The following NALF1 variants were observed in gnomAD, a reference collection of about 807,000 sequenced individuals.
NALF1 encodes the protein family with sequence similarity 155 member A.
In NALF1, 3 loss-of-function variants were observed where a neutral mutation model predicts 48.4. The ratio of observed to expected loss-of-function variants is 0.06; its 90% confidence interval spans 0.03 to 0.16. The LOEUF (loss-of-function observed/expected upper bound fraction) is 0.16. NALF1 is among the 10% of genes least tolerant of loss of function. NALF1 has a pLI of 1.00. For synonymous variants in NALF1, 262 were observed against 245.7 expected, an observed-to-expected ratio of 1.07 and a Z score of -0.62; for missense variants, 526 against 571.5, an observed-to-expected ratio of 0.92 and a Z score of 0.81.
chr13:107,511,433 CAT>C (rs1177941017), intron 1 of NALF1, among the ~76,000 whole-genome samples: 3 of 152,104 alleles, frequency 2.0e-5, no homozygotes, highest in African/African-American at 4.8e-5. Context: ...GAGGAGAAAA[CAT>C]ATGCAAATGT....
At position 107,606,389 on chromosome 13, in the gene NALF1, G is replaced by A. The variant is rs570292420; in HGVS notation, c.915+259293C>T. On this transcript the variant is annotated intron_variant, in intron 1 of 2. Transcript: ENST00000375915. ...TTTATATATATATATATTTTGAGAT[G>A]GAGTCTTGCTCTGTCACTGAGACTG... Among the ~76,000 whole-genome samples the A allele has an allele frequency of 1.2e-3, 183 of 147,132 alleles. 1 individual carries two copies. The highest frequency in any genetic ancestry group is 3.8e-3 in the African/African-American group (155 of 41,106).
At chr13:107,511,002 C>T (rs544965335) in intron 1 of NALF1, among the ~76,000 whole-genome samples, 1 of 152,310 alleles carries the variant, frequency 6.6e-6, no homozygotes, top group South Asian at 2.1e-4. Flanking sequence ...CAAGGCTCCA[C>T]TCTTAAGCCC....
chr13:107,494,731 C>A (rs1363081895), intron 1 of NALF1, among the ~76,000 whole-genome samples: 3 of 150,888 alleles, frequency 2.0e-5, no homozygotes, highest in African/African-American at 7.3e-5. Context: ...CCTAAAAGTT[C>A]AAATAGTGCA....
chr13:107,573,050 T>G (rs1048778173), intron 1 of NALF1, among the ~76,000 whole-genome samples: 1 of 152,110 alleles, frequency 6.6e-6, no homozygotes, highest in African/African-American at 2.4e-5. Flanking sequence ...TTCCTTGCTC[T>G]TCTTCAAACA....
chr13:107,467,217 T>C (rs1443467677), intron 1 of NALF1, among the ~76,000 whole-genome samples: 3 of 151,448 alleles, frequency 2.0e-5, no homozygotes, highest in South Asian at 2.1e-4. Context: ...TAATTCCATG[T>C]TGACATAGAA....
intron 1 of NALF1, among the ~76,000 whole-genome samples, chr13:107,246,132 T>C (rs998215536): frequency 6.6e-6 from 1 of 151,656 alleles, no homozygotes; most frequent in African/African-American, 2.4e-5. Flanking sequence ...CTGTGTACTT[T>C]TGATTTAATT....
At chr13:107,657,313 TAAAAC>T (rs1880608890) in intron 1 of NALF1, among the ~76,000 whole-genome samples, 1 of 152,156 alleles carries the variant, frequency 6.6e-6, no homozygotes, top group Non-Finnish European at 1.5e-5. Context: ...AAATATTTCT[TAAAAC>T]TAAGCTAATT....
At chr13:107,669,484 C>T (rs1462467471) in intron 1 of NALF1, among the ~76,000 whole-genome samples, 1 of 152,064 alleles carries the variant, frequency 6.6e-6, no homozygotes, top group Non-Finnish European at 1.5e-5. Context: ...TTCAATACAA[C>T]ATAAATGAGT....
chr13:107,483,097 T>C (rs1041868280), intron 1 of NALF1, among the ~76,000 whole-genome samples: 7 of 152,308 alleles, frequency 4.6e-5, no homozygotes, highest in South Asian at 2.1e-4. Flanking sequence ...AGCTCCCGTA[T>C]GTAAACACAA....
At chr13:107,174,630 C>G (rs1878879466) in intron 2 of NALF1, among the ~76,000 whole-genome samples, 1 of 152,080 alleles carries the variant, frequency 6.6e-6, no homozygotes, top group African/African-American at 2.4e-5. Context: ...GCTGGGAATA[C>G]AGGCTTGAGC....
chr13:107,737,826 A>T (rs1876511320), intron 1 of NALF1, among the ~76,000 whole-genome samples: 1 of 152,226 alleles, frequency 6.6e-6, no homozygotes, highest in Non-Finnish European at 1.5e-5. Flanking sequence ...TGCCTAATAA[A>T]AACAATTTCC....
intron 1 of NALF1, among the ~76,000 whole-genome samples, chr13:107,663,379 AG>A (rs1219009817): frequency 1.4e-4 from 21 of 152,188 alleles, no homozygotes; most frequent in Non-Finnish European, 2.9e-4. Context: ...AAAGACCTTT[AG>A]AAGGTATGTA....
At chr13:107,637,181 G>A (rs1455796911) in intron 1 of NALF1, among the ~76,000 whole-genome samples, 2 of 151,730 alleles carry the variant, frequency 1.3e-5, no homozygotes, top group Admixed American at 6.6e-5. Flanking sequence ...ATCAGCTAAG[G>A]ATGTATTTCT....
intron 1 of NALF1, among the ~76,000 whole-genome samples, chr13:107,683,206 C>T (rs1247157700): frequency 6.6e-6 from 1 of 152,130 alleles, no homozygotes; most frequent in Non-Finnish European, 1.5e-5. Flanking sequence ...TGTGATTGTG[C>T]CCCTGCACTC....
At chr13:107,842,161 A>G (rs1880060234) in intron 1 of NALF1, among the ~76,000 whole-genome samples, 1 of 152,054 alleles carries the variant, frequency 6.6e-6, no homozygotes, top group Non-Finnish European at 1.5e-5. Flanking sequence ...AATACCTGAT[A>G]TATCATTGAT....
chr13:107,216,183 G>T (rs1594074445), intron 1 of NALF1, among the ~76,000 whole-genome samples: 2 of 152,152 alleles, frequency 1.3e-5, no homozygotes, highest in Non-Finnish European at 2.9e-5. Flanking sequence ...TGAGTTTTGG[G>T]TATGTGTGGG....
At chr13:107,594,125 G>T (rs1878678029) in intron 1 of NALF1, among the ~76,000 whole-genome samples, 1 of 151,830 alleles carries the variant, frequency 6.6e-6, no homozygotes, top group Non-Finnish European at 1.5e-5. Context: ...AAGCCCTTCT[G>T]TCCACTCTTC....
At chr13:107,417,072 T>TCA (rs1213155497) in intron 1 of NALF1, among the ~76,000 whole-genome samples, 1 of 152,220 alleles carries the variant, frequency 6.6e-6, no homozygotes, top group Non-Finnish European at 1.5e-5. Context: ...TTATCCATTC[T>TCA]CACCTCCTTC....
intron 1 of NALF1, among the ~76,000 whole-genome samples, chr13:107,398,699 C>A (rs188531921): frequency 6.6e-6 from 1 of 152,070 alleles, no homozygotes; most frequent in South Asian, 2.1e-4. Context: ...ATCATTGATG[C>A]GTCTCTCAAC....
Sources: gnomAD v4.1 joint callset for allele counts (sites outside exome capture counted in the v4.1 genomes callset) on GRCh38, gnomAD v4.1.1 for gene constraint, MANE v1.5 for transcripts, NCBI Gene and HGNC (gene_info 2026-07-23, HGNC 2026-07-21) for gene names.